Variants in PRUNE1 observed in about 807,000 individuals in gnomAD.
The protein encoded by PRUNE1 is prune exopolyphosphatase 1, also known as exopolyphosphatase PRUNE1.
PRUNE1 carries 25 observed loss-of-function variants against 42.5 expected under a neutral mutation model. That is an observed-to-expected ratio of 0.59 (90% CI 0.43 to 0.82). The LOEUF (loss-of-function observed/expected upper bound fraction) is 0.82, where lower values mean the gene tolerates loss of function less well. Ranked by LOEUF, PRUNE1 falls within the 40% of genes least tolerant of loss-of-function variation. PRUNE1 has a pLI of 0.00. For missense variants in PRUNE1, 443 were observed against 539.3 expected (o/e 0.82, Z 1.77); for synonymous variants, 203 against 217.1 (o/e 0.93, Z 0.57).
At chr1:151,012,841 G>A (rs773852037) in intron 1 of PRUNE1, among the ~76,000 whole-genome samples, 4 of 151,416 alleles carry the variant, frequency 2.6e-5, no homozygotes, top group Non-Finnish European at 4.4e-5. Context: ...GTGGGATCTC[G>A]GCTCACTGCA....
chr1:151,017,728 A>T, intron 1 of PRUNE1, 84 bp from the exon 2 acceptor site: 1 of 852,638 alleles, frequency 1.2e-6, no homozygotes, highest in Non-Finnish European at 1.7e-6. Flanking sequence ...CTGTCTCAAA[A>T]ATATATATAT....
chr1:151,018,823 A>C (rs147605456), intron 3 of PRUNE1, among the ~76,000 whole-genome samples, 154 bp downstream of exon 3: 2,792 of 151,914 alleles, frequency 0.018, 100 homozygotes, highest in African/African-American at 0.064. Context: ...CGGGCGGATC[A>C]CCTGAGATCA....
chr1:151,010,344 A>G (rs768814137), intron 1 of PRUNE1, among the ~76,000 whole-genome samples: 74 of 152,180 alleles, frequency 4.9e-4, no homozygotes, highest in Non-Finnish European at 9.1e-4. Context: ...TTGGCTTCCC[A>G]AGGTGTTGGA....
At chr1:151,014,302 C>G (rs1226647778) in intron 1 of PRUNE1, among the ~76,000 whole-genome samples, 1 of 152,152 alleles carries the variant, frequency 6.6e-6, no homozygotes. Flanking sequence ...TTGAAGTAGA[C>G]TTAGAGAAAT....
At position 151,034,303 on chromosome 1, in the gene PRUNE1, T is replaced by TG; in HGVS notation, c.*71dup. On this transcript the variant is annotated 3_prime_UTR_variant, in exon 8 of 8. Coordinates refer to ENST00000271620, the MANE Select transcript of PRUNE1 (RefSeq NM_021222.3). ...CTTCAAATGCATGTTTTGAGATGTTTGGAGATTCAGCAATTCTGTCTTCAT... is the reference window on the plus strand; with the variant it reads ...CTTCAAATGCATGTTTTGAGATGTTTGGGAGATTCAGCAATTCTGTCTTCAT... The TG allele has an allele frequency of 6.8e-7, 1 of 1,479,598 alleles. No individual in the cohort carries two copies. Among genetic ancestry groups the TG allele is most frequent in the East Asian group, 2.3e-5 (1 of 43,816 alleles). The allele number at this position is 1,479,598 out of a possible 1,614,324, so 91.7% of individuals were successfully genotyped here.
At chr1:151,026,967 G>A (rs1013259496) in intron 5 of PRUNE1, among the ~76,000 whole-genome samples, 1 of 150,482 alleles carries the variant, frequency 6.6e-6, no homozygotes, top group African/African-American at 2.4e-5. Flanking sequence ...TGTATTTTTA[G>A]TAGAGACAGA....
At chr1:151,018,439 G>A (rs1674230730) in intron 2 of PRUNE1, 28 bp from the exon 3 acceptor site, 4 of 1,565,212 alleles carry the variant, frequency 2.6e-6, no homozygotes, top group Non-Finnish European at 3.5e-6. Context: ...AAAACCTTGT[G>A]ATACCTTCTT....
In PRUNE1 at chr1:151,008,466, C is replaced by T; in HGVS notation, c.-167C>T. ...TCCGGAGCGCCCGCTTACGCAGTTC[C>T]TCCCGGGGTCGGAGGCCGATTCGCC... On this transcript the variant is annotated 5_prime_UTR_variant, in exon 1 of 8. Coordinates refer to ENST00000271620, the MANE Select transcript of PRUNE1 (RefSeq NM_021222.3). The T allele has an allele frequency of 2.6e-6, 3 of 1,140,128 alleles. No homozygotes were observed. Among genetic ancestry groups the T allele is most frequent in the Non-Finnish European group, 3.8e-6 (3 of 779,870 alleles). 70.6% of individuals were successfully genotyped at this position (1,140,128 alleles called of 1,614,324 possible).
chr1:151,028,763 C>T (rs373097753), intron 6 of PRUNE1, 23 bp from the exon 7 acceptor site: 1 of 1,608,534 alleles, frequency 6.2e-7, no homozygotes, highest in Non-Finnish European at 8.5e-7. Context: ...GTCCTTCATC[C>T]CTCTCCGTTT....
In PRUNE1 at chr1:151,022,475, C is replaced by G. The variant is rs1222178188; in HGVS notation, c.336-2136C>G. Among the ~76,000 whole-genome samples, 132 of 145,270 alleles carry G rather than the reference C, an allele frequency of 9.1e-4. 3 individuals carry two copies. The highest frequency in any genetic ancestry group is 7.0e-3 in the Admixed American group (99 of 14,166). ...GCTCTGTCGCCCAGGCTGGAGTGCA[C>G]TGGCGCGATCTCGGCTCACTGCAAG... is the stretch of plus-strand genomic sequence containing the variant. On this transcript the variant is annotated intron_variant, in intron 3 of 7. Coordinates refer to ENST00000271620, the MANE Select transcript of PRUNE1 (RefSeq NM_021222.3).
At chr1:151,020,321 C>G (rs1417292749) in intron 3 of PRUNE1, among the ~76,000 whole-genome samples, 1 of 151,754 alleles carries the variant, frequency 6.6e-6, no homozygotes, top group Admixed American at 6.6e-5. Flanking sequence ...TGTGGTAGTG[C>G]ATGCCTGTAG....
At chr1:151,016,358 C>T (rs1298504124) in intron 1 of PRUNE1, among the ~76,000 whole-genome samples, 2 of 152,092 alleles carry the variant, frequency 1.3e-5, no homozygotes, top group South Asian at 2.1e-4. Flanking sequence ...AAGTACCTGC[C>T]TCATTGGGTT....
At chr1:151,024,476 CAA>C (rs1168866603) in intron 3 of PRUNE1, 133 bp from the exon 4 acceptor site, 48 of 834,592 alleles carry the variant, frequency 5.8e-5, no homozygotes, top group Non-Finnish European at 7.7e-5. Flanking sequence ...GCCTGGGCGA[CAA>C]GAGTGAAACT....
At position 151,027,225 on chromosome 1, in the gene PRUNE1, C is replaced by T. The variant is rs1674901447; in HGVS notation, c.680-8C>T. ...TGTTTGACCCCTAGTCTCTCATCTG[C>T]TTTCTAGGACTGACCACTGAGCAGA... On this transcript the variant is annotated splice_polypyrimidine_tract_variant and splice_region_variant and intron_variant, in intron 5 of 7. Coordinates refer to ENST00000271620, the MANE Select transcript of PRUNE1 (RefSeq NM_021222.3). The T allele has an allele frequency of 6.3e-7, 1 of 1,596,718 alleles. No homozygotes were observed. The highest frequency in any genetic ancestry group is 8.6e-7 in the Non-Finnish European group (1 of 1,164,680).
intron 1 of PRUNE1, among the ~76,000 whole-genome samples, chr1:151,016,242 A>C (rs961621003): frequency 1.3e-5 from 2 of 152,178 alleles, no homozygotes; most frequent in African/African-American, 4.8e-5. Context: ...GTCTCAAAAA[A>C]AAAAAGTAAG....
At chr1:151,018,904 G>A (rs906366051) in intron 3 of PRUNE1, among the ~76,000 whole-genome samples, 4 of 152,068 alleles carry the variant, frequency 2.6e-5, no homozygotes, top group Admixed American at 6.6e-5. Context: ...TTAGCTGGGC[G>A]TGGTGGCAAG....
rs1292268135 is a variant in PRUNE1, at chr1:151,028,920, T to C, written c.909T>C (p.Cys303=). 2 of 1,613,798 alleles carry C rather than the reference T, an allele frequency of 1.2e-6. No homozygotes were observed. The highest frequency in any genetic ancestry group is 8.5e-7 in the Non-Finnish European group (1 of 1,179,746). The stretch of plus-strand genomic sequence containing the variant: ...CAGTGCGGCAGTTGGCTATTTTCTG[T>C]CCCCATGTGGCACTCCAAACAACGG... The part of the protein sequence containing the change: ...NEPVRQLAIF[C]PHVALQTTIC... The change falls in exon 7 of 8, where the codon TGT becomes TGC. Residue 303 remains cysteine, a synonymous_variant. Transcript: ENST00000271620.
At position 151,017,822 on chromosome 1, in the gene PRUNE1, C is replaced by G. The variant is rs754109409; in HGVS notation, c.50C>G (p.Pro17Arg). 6.3e-7 allele frequency: 1 copy of G among 1,592,426 alleles called. No individual in the cohort carries two copies. Among genetic ancestry groups the G allele is most frequent in the Non-Finnish European group, 8.6e-7 (1 of 1,160,778 alleles). The change falls in exon 2 of 8, where the codon CCT becomes CGT. Residue 17 changes from proline (P) to arginine (R), a missense_variant. Pro to Arg is a moderately radical substitution (Grantham distance 103). Transcript: ENST00000271620. ...TTCCTTTCTCTCCAGGAGTCCCGAC[C>G]TCTACATGTTGTGCTGGGAAATGAA... Reference protein sequence around the residue: ...GCRAALQESRPLHVVLGNEAC... With the variant: ...GCRAALQESRRLHVVLGNEAC...
rs1675498050 is a variant in PRUNE1 at position 151,035,403 on chromosome 1, C to T, written c.*1169C>T. On this transcript the variant is annotated 3_prime_UTR_variant, in exon 8 of 8. Transcript: ENST00000271620. ...GTGTTGACCCAGCAGAGCACTCCCT[C>T]CCACTAACTTGTTCTGCATGTGTAG... The T allele has an allele frequency of 6.6e-6, 1 of 152,330 alleles. No homozygotes were observed. Among genetic ancestry groups the T allele is most frequent in the Non-Finnish European group, 1.5e-5 (1 of 68,070 alleles). The allele number at this position is 152,330 out of a possible 1,614,324, so 9.4% of individuals were successfully genotyped here.
Sources: allele counts gnomAD v4.1 joint callset (sites outside exome capture counted in the v4.1 genomes callset), GRCh38; gene constraint gnomAD v4.1.1; transcripts MANE v1.5; gene names NCBI Gene and HGNC (gene_info 2026-07-23, HGNC 2026-07-21).